VCL: variants seen among roughly 807,000 people sequenced by gnomAD.
VCL encodes vinculin.
A neutral mutation model predicts 125.7 loss-of-function variants in VCL; 47 were observed. That is an observed-to-expected ratio of 0.37 (90% CI 0.30 to 0.48). VCL has a LOEUF of 0.48. Ranked by LOEUF, VCL falls within the 20% of genes least tolerant of loss-of-function variation. The pLI, the probability that VCL is intolerant of heterozygous loss-of-function variation, is 0.99. For synonymous variants in VCL, 458 were observed against 514.6 expected (o/e 0.89, Z 1.49); for missense variants, 1,069 against 1,455.5 (o/e 0.73, Z 4.32).
chr10:74,061,611 T>C (rs1026926283), intron 2 of VCL, among the ~76,000 whole-genome samples: 22 of 152,198 alleles, frequency 1.4e-4, no homozygotes, highest in African/African-American at 5.3e-4. Context: ...CTTTAAATAT[T>C]ACCCTACCAC....
chr10:74,087,278 T>C (rs1400265286), intron 8 of VCL, among the ~76,000 whole-genome samples: 1 of 151,396 alleles, frequency 6.6e-6, no homozygotes, highest in East Asian at 1.9e-4. Context: ...CAAGTTTTGG[T>C]ATAGATGAAA....
At chr10:74,100,721 G>T (rs1039175503) in intron 13 of VCL, among the ~76,000 whole-genome samples, 1 of 152,218 alleles carries the variant, frequency 6.6e-6, no homozygotes, top group African/African-American at 2.4e-5. Flanking sequence ...GCGTGTGTGT[G>T]TGAGTGTGTT....
intron 2 of VCL, among the ~76,000 whole-genome samples, chr10:74,059,298 G>T (rs973791331): frequency 2.0e-5 from 3 of 151,918 alleles, no homozygotes; most frequent in Admixed American, 1.3e-4. Context: ...AGAGTTTGCA[G>T]TGGGCTGAGA....
At chr10:74,066,213 C>A in intron 2 of VCL, among the ~76,000 whole-genome samples, 2 of 152,038 alleles carry the variant, frequency 1.3e-5, no homozygotes, top group East Asian at 3.9e-4. Flanking sequence ...GCATGTGCCA[C>A]CACGCCCAGC....
intron 1 of VCL, among the ~76,000 whole-genome samples, chr10:74,005,942 A>G (rs922597153): frequency 9.3e-5 from 14 of 151,242 alleles, no homozygotes; most frequent in Admixed American, 6.6e-4. Context: ...CTGGAGTGCA[A>G]TTGCACGATC....
intron 2 of VCL, among the ~76,000 whole-genome samples, chr10:74,068,028 C>A (rs1841601066): frequency 6.6e-6 from 1 of 152,158 alleles, no homozygotes; most frequent in African/African-American, 2.4e-5. Context: ...TGTTTGGATC[C>A]AATTTTGGTT....
chr10:74,040,984 G>A (rs1175564813), intron 1 of VCL, among the ~76,000 whole-genome samples: 1 of 152,082 alleles, frequency 6.6e-6, no homozygotes, highest in East Asian at 1.9e-4. Context: ...AGCCTCCCAA[G>A]CAGCTGGGAC....
rs1209932482 is a variant in VCL, at chr10:74,074,732, T to C, written c.623-11T>C. ...ATTCCAAGCTTACTTTCTGATCTTTTATTTTTACAGCTATGAAGATTTTTG... is the reference window on the plus strand; with the variant it reads ...ATTCCAAGCTTACTTTCTGATCTTTCATTTTTACAGCTATGAAGATTTTTG... On this transcript the variant is annotated splice_polypyrimidine_tract_variant and intron_variant, in intron 5 of 21. Coordinates refer to ENST00000211998, the MANE Select transcript of VCL (RefSeq NM_014000.3). The C allele has an allele frequency of 1.2e-6, 2 of 1,611,854 alleles. No homozygotes were observed. Among genetic ancestry groups the C allele is most frequent in the African/African-American group, 1.3e-5 (1 of 74,718 alleles).
intron 1 of VCL, among the ~76,000 whole-genome samples, chr10:74,030,914 G>A (rs1162519944): frequency 6.6e-6 from 1 of 152,060 alleles, no homozygotes; most frequent in Non-Finnish European, 1.5e-5. Flanking sequence ...GGCACAAATG[G>A]GTTAAAAATA....
intron 4 of VCL, 75 bp from the exon 5 acceptor site, chr10:74,072,655 T>C (rs1841678983): frequency 6.2e-7 from 1 of 1,609,168 alleles, no homozygotes; most frequent in Non-Finnish European, 8.5e-7. Flanking sequence ...TATTTCATAA[T>C]GGATTTAGAC....
intron 1 of VCL, among the ~76,000 whole-genome samples, chr10:74,036,262 G>GCAC (rs2136243977): frequency 6.6e-6 from 1 of 152,172 alleles, no homozygotes; most frequent in South Asian, 2.1e-4. Flanking sequence ...GAGTGCCATG[G>GCAC]CACGATCTCG....
At chr10:74,101,149 A>G in intron 14 of VCL, 52 bp downstream of exon 14, 1 of 1,588,228 alleles carries the variant, frequency 6.3e-7, no homozygotes, top group Non-Finnish European at 8.6e-7. Context: ...AGTTAATTAC[A>G]GAACAGTTTC....
At chr10:74,046,362 C>T (rs1350092511) in intron 2 of VCL, among the ~76,000 whole-genome samples, 1 of 152,160 alleles carries the variant, frequency 6.6e-6, no homozygotes, top group East Asian at 1.9e-4. Context: ...ATCCTCTTGC[C>T]TCACCCCGAG....
chr10:74,012,240 A>G (rs2136227701), intron 1 of VCL, among the ~76,000 whole-genome samples: 1 of 152,288 alleles, frequency 6.6e-6, no homozygotes, highest in East Asian at 1.9e-4. Context: ...TTATTCTTGC[A>G]ATTAAAATAG....
At chr10:74,026,011 C>T (rs763777905) in intron 1 of VCL, among the ~76,000 whole-genome samples, 15 of 152,092 alleles carry the variant, frequency 9.9e-5, no homozygotes, top group Non-Finnish European at 2.1e-4. Context: ...TTACATAGGG[C>T]CCAAAAGATT....
At chr10:74,094,879 AGCTATG>A (rs1839941540) in intron 11 of VCL, among the ~76,000 whole-genome samples, 1 of 151,920 alleles carries the variant, frequency 6.6e-6, no homozygotes. Context: ...GTCTGTAGTG[AGCTATG>A]ATCACACCAC....
chr10:74,105,221 A>G lies in VCL; in HGVS notation c.2302A>G (p.Lys768Glu). 3.7e-6 allele frequency: 6 copies of G among 1,614,146 alleles called. No homozygotes were observed. The highest frequency in any genetic ancestry group is 4.2e-6 in the Non-Finnish European group (5 of 1,180,020). ...GGCCAACCGGATCCTGCTGGTGGCT[A>G]AGAGGGAGGTGGAGAATTCCGAGGA... Reference protein sequence around the residue: ...RRANRILLVAKREVENSEDPK... With the variant: ...RRANRILLVAEREVENSEDPK... Residue 768 changes from lysine (K) to glutamate (E), a missense_variant, in exon 16 of 22, where the codon AAG (lysine) becomes GAG (glutamate). Physicochemically the swap from Lys to Glu is moderately conservative, Grantham distance 56 (BLOSUM62 1). Transcript: ENST00000211998.
intron 16 of VCL, among the ~76,000 whole-genome samples, chr10:74,106,710 T>C (rs749554439): frequency 3.9e-4 from 59 of 152,224 alleles, no homozygotes; most frequent in Non-Finnish European, 7.3e-4. Context: ...GGTTTCCTAA[T>C]TGGAGTTTCT....
intron 17 of VCL, 26 bp from the exon 18 acceptor site, chr10:74,108,945 C>G: frequency 1.2e-6 from 2 of 1,613,720 alleles, no homozygotes; most frequent in Non-Finnish European, 1.7e-6. Flanking sequence ...TAGGACTTTA[C>G]TTACAACTTG....
Sources: gnomAD v4.1 joint callset for allele counts (sites outside exome capture counted in the v4.1 genomes callset) on GRCh38, gnomAD v4.1.1 for gene constraint, MANE v1.5 for transcripts, NCBI Gene and HGNC (gene_info 2026-07-23, HGNC 2026-07-21) for gene names.